Variants in RAB3GAP2 observed in about 807,000 individuals in gnomAD.
RAB3GAP2 encodes RAB3 GTPase activating non-catalytic protein subunit 2.
In RAB3GAP2, 87 loss-of-function variants were observed where a neutral mutation model predicts 185.3. The observed-to-expected ratio is 0.47, with a 90% CI of 0.39 to 0.56. The LOEUF (loss-of-function observed/expected upper bound fraction) is 0.56, where lower values mean the gene tolerates loss of function less well. Ranked by LOEUF, RAB3GAP2 falls within the 20% of genes least tolerant of loss-of-function variation. The probability of loss-of-function intolerance (pLI) is 0.00; values close to 1 mark genes in which losing one functional copy is unlikely to be tolerated. For missense variants in RAB3GAP2, 1,492 were observed against 1,638.2 expected, an observed-to-expected ratio of 0.91 and a Z score of 1.54; for synonymous variants, 554 against 576.1, an observed-to-expected ratio of 0.96 and a Z score of 0.55.
At chr1:220,267,298 T>C (rs531046539) in intron 1 of RAB3GAP2, 45 of 947,632 alleles carry the variant, frequency 4.7e-5, no homozygotes, top group South Asian at 4.6e-4. Flanking sequence ...CAGAATTAGG[T>C]AGACTCTGGT....
chr1:220,233,573 C>G (rs763991984), intron 1 of RAB3GAP2, among the ~76,000 whole-genome samples: 1 of 152,170 alleles, frequency 6.6e-6, no homozygotes, highest in Non-Finnish European at 1.5e-5. Flanking sequence ...TACTCTGAGA[C>G]AAGCATGAGA....
intron 18 of RAB3GAP2, among the ~76,000 whole-genome samples, chr1:220,185,067 T>C (rs1281487700): frequency 1.3e-5 from 2 of 152,160 alleles, no homozygotes; most frequent in Non-Finnish European, 1.5e-5. Context: ...CTAGATGACA[T>C]CAGTCCACTG....
intron 30 of RAB3GAP2, 62 bp downstream of exon 30, chr1:220,157,740 A>G: frequency 2.1e-6 from 3 of 1,396,756 alleles, no homozygotes; most frequent in Non-Finnish European, 3.0e-6. Flanking sequence ...ATTAAATGCA[A>G]TGGTTTGCAG....
chr1:220,259,673 T>C (rs1054920061), intron 1 of RAB3GAP2, among the ~76,000 whole-genome samples: 1 of 152,134 alleles, frequency 6.6e-6, no homozygotes, highest in Non-Finnish European at 1.5e-5. Context: ...ATTCAGGACA[T>C]AGGCATGGGC....
intron 1 of RAB3GAP2, among the ~76,000 whole-genome samples, chr1:220,270,520 C>G (rs1660315896): frequency 6.6e-6 from 1 of 152,126 alleles, no homozygotes. Flanking sequence ...ATATAGTTGC[C>G]CAAACCACAA....
chr1:220,210,938 C>T lies in RAB3GAP2; in HGVS notation c.434+17G>A. ...AAATCAAAGCAAAGAAAACAGATGACTCTTATTTATCCTTACCTCTTTTGG... is the reference window on the plus strand; with the variant it reads ...AAATCAAAGCAAAGAAAACAGATGATTCTTATTTATCCTTACCTCTTTTGG... On this transcript the variant is annotated intron_variant, in intron 5 of 34. Coordinates refer to ENST00000358951, the MANE Select transcript of RAB3GAP2 (RefSeq NM_012414.4). 1 of 1,613,986 alleles carries T rather than the reference C, an allele frequency of 6.2e-7. No homozygotes were observed. Among genetic ancestry groups the T allele is most frequent in the Non-Finnish European group, 8.5e-7 (1 of 1,179,896 alleles).
intron 2 of RAB3GAP2, among the ~76,000 whole-genome samples, chr1:220,216,262 T>C (rs1332293137): frequency 1.3e-5 from 2 of 152,210 alleles, no homozygotes; most frequent in East Asian, 3.8e-4. Flanking sequence ...CAAAATCTCA[T>C]TTTATTAAAG....
At chr1:220,174,726 T>A (rs1329321203) in intron 21 of RAB3GAP2, among the ~76,000 whole-genome samples, 1 of 152,182 alleles carries the variant, frequency 6.6e-6, no homozygotes, top group Non-Finnish European at 1.5e-5. Context: ...AATGGCTACA[T>A]AAAGGTTACT....
At chr1:220,170,815 T>C in intron 24 of RAB3GAP2, 77 bp downstream of exon 24, 5 of 1,214,366 alleles carry the variant, frequency 4.1e-6, no homozygotes, top group Non-Finnish European at 6.1e-6. Flanking sequence ...TTCTCTATTC[T>C]TTCCGTCATT....
In RAB3GAP2 at chr1:220,176,787, C is replaced by G. The variant is rs143755156; in HGVS notation, c.2311-4045G>C. 2.0e-5 allele frequency among the ~76,000 whole-genome samples: 3 copies of G among 152,274 alleles called. No homozygotes were observed. The East Asian group carries it at 5.8e-4, about 29-fold the overall frequency. On this transcript the variant is annotated intron_variant, in intron 21 of 34. Coordinates refer to ENST00000358951, the MANE Select transcript of RAB3GAP2 (RefSeq NM_012414.4). ...GGGCCCCCTCACTGCAGCTGGAGAA[C>G]TATCCTATCTGTGCAGGAACTTGCT...
intron 1 of RAB3GAP2, among the ~76,000 whole-genome samples, chr1:220,248,028 A>C (rs914035004): frequency 3.9e-5 from 6 of 152,020 alleles, no homozygotes; most frequent in African/African-American, 1.4e-4. Flanking sequence ...ATATTATGAG[A>C]TCCAGGTCAC....
Position 220,196,260 on chromosome 1 carries a change from T to C in RAB3GAP2, c.950A>G (p.Tyr317Cys), listed in dbSNP as rs371921545. Reference protein sequence around the residue: ...VGSNPFTGFFYALEGSTQPLL... With the variant: ...VGSNPFTGFFCALEGSTQPLL... ...TGATAAAACTCATACCTCTAAAGCA[T>C]AGAAGAAGCCAGTAAATGGATTGGA... The change falls in exon 10 of 35, where the codon TAT becomes TGT. Residue 317 changes from tyrosine to cysteine, a missense_variant. Physicochemically the swap from Tyr to Cys is radical, Grantham distance 194. Around this residue, in one of 5 missense-constraint regions of RAB3GAP2, gnomAD observed 243 missense variants for 314.8 expected, o/e 0.77. Coordinates refer to ENST00000358951, the MANE Select transcript of RAB3GAP2 (RefSeq NM_012414.4). The C allele has an allele frequency of 2.6e-5, 42 of 1,613,254 alleles. No individual in the cohort carries two copies. The highest frequency in any genetic ancestry group is 1.4e-4 in the South Asian group (13 of 91,054).
At chr1:220,204,746 C>A (rs1210521802) in intron 8 of RAB3GAP2, among the ~76,000 whole-genome samples, 1 of 123,396 alleles carries the variant, frequency 8.1e-6, no homozygotes, top group Non-Finnish European at 1.7e-5. Flanking sequence ...CTCCCCCCAC[C>A]CCACAACAGT....
At chr1:220,181,703 C>A (rs1174089600) in intron 21 of RAB3GAP2, among the ~76,000 whole-genome samples, 1 of 152,002 alleles carries the variant, frequency 6.6e-6, no homozygotes, top group African/African-American at 2.4e-5. Context: ...TAGATGGGTG[C>A]ACACAGATTC....
rs1658697322 is a variant in RAB3GAP2, at chr1:220,195,058, GGGAAGCAT to G, written c.1130+12_1130+19del. The G allele has an allele frequency of 6.2e-7, 1 of 1,608,784 alleles. No individual in the cohort carries two copies. The highest frequency in any genetic ancestry group is 8.5e-7 in the Non-Finnish European group (1 of 1,175,298). On this transcript the variant is annotated intron_variant, in intron 12 of 34. Transcript: ENST00000358951. Reference sequence around the variant, plus strand: ...TACCTTTCTAAAAGGACTAAAATTTGGGAAGCATGACAGACTTGCCTTACAGCTAATGG... The same window carrying G: ...TACCTTTCTAAAAGGACTAAAATTTGGACAGACTTGCCTTACAGCTAATGG...
chr1:220,177,429 G>C (rs1263528041), intron 21 of RAB3GAP2, among the ~76,000 whole-genome samples: 1 of 152,126 alleles, frequency 6.6e-6, no homozygotes, highest in Non-Finnish European at 1.5e-5. Flanking sequence ...CAAGCATCGA[G>C]AACATTCAGG....
chr1:220,253,553 C>A, intron 1 of RAB3GAP2: 1 of 1,579,202 alleles, frequency 6.3e-7, no homozygotes, highest in Non-Finnish European at 8.7e-7. Context: ...AAGGAGGAGG[C>A]GGCAAATCAC....
intron 10 of RAB3GAP2, 136 bp from the exon 11 acceptor site, chr1:220,195,513 C>T: frequency 3.8e-6 from 3 of 784,878 alleles, no homozygotes; most frequent in South Asian, 1.6e-5. Context: ...TTTCAGAGTA[C>T]AGTAAAAAGT....
At chr1:220,222,845 A>G (rs1034584708) in intron 2 of RAB3GAP2, among the ~76,000 whole-genome samples, 3 of 152,166 alleles carry the variant, frequency 2.0e-5, no homozygotes, top group Non-Finnish European at 4.4e-5. Context: ...GAAAGTTAAT[A>G]ATGATGATCA....
Sources: gnomAD v4.1 joint callset for allele counts (sites outside exome capture counted in the v4.1 genomes callset) on GRCh38, gnomAD v4.1.1 for gene constraint, gnomAD v4.1.1 regional missense constraint, MANE v1.5 for transcripts, NCBI Gene and HGNC (gene_info 2026-07-23, HGNC 2026-07-21) for gene names.